The following TMEM163 variants were observed in gnomAD, a reference collection of about 807,000 sequenced individuals.
TMEM163 encodes transmembrane protein 163.
A neutral mutation model predicts 29.3 loss-of-function variants in TMEM163; 17 were observed. The ratio of observed to expected loss-of-function variants is 0.58; its 90% CI spans 0.40 to 0.87. The LOEUF (loss-of-function observed/expected upper bound fraction) is 0.87. Among genes scored for constraint, TMEM163 ranks in the 40% least tolerant of loss-of-function variants. TMEM163 has a pLI of 0.00. For synonymous variants in TMEM163, 157 were observed against 160.6 expected, an observed-to-expected ratio of 0.98 and a Z score of 0.17; for missense variants, 303 against 381.5, an observed-to-expected ratio of 0.79 and a Z score of 1.71.
chr2:134,490,046 T>C (rs991334819), intron 5 of TMEM163, among the ~76,000 whole-genome samples: 1 of 152,218 alleles, frequency 6.6e-6, no homozygotes, highest in African/African-American at 2.4e-5. Flanking sequence ...CCAGGTCCTA[T>C]ATTAGGTGCT....
chr2:134,639,509 C>T (rs1324542778), intron 2 of TMEM163, among the ~76,000 whole-genome samples: 1 of 152,200 alleles, frequency 6.6e-6, no homozygotes, highest in Non-Finnish European at 1.5e-5. Flanking sequence ...GATGCTGAGA[C>T]CCACCAATCC....
chr2:134,477,600 A>T (rs1311440611), intron 5 of TMEM163, among the ~76,000 whole-genome samples: 1 of 152,260 alleles, frequency 6.6e-6, no homozygotes, highest in African/African-American at 2.4e-5. Context: ...GTGTTTTACA[A>T]GAAGCAAAGA....
At chr2:134,571,907 G>T (rs1283293969) in intron 2 of TMEM163, among the ~76,000 whole-genome samples, 3 of 152,158 alleles carry the variant, frequency 2.0e-5, no homozygotes, top group Non-Finnish European at 4.4e-5. Context: ...AGGAAAGCAG[G>T]TATTCAGCAT....
intron 4 of TMEM163, among the ~76,000 whole-genome samples, chr2:134,510,714 C>T (rs1279572904): frequency 1.3e-5 from 2 of 152,028 alleles, no homozygotes; most frequent in African/African-American, 2.4e-5. Flanking sequence ...AGTGAGGAGC[C>T]GGTAGTGAGT....
intron 4 of TMEM163, among the ~76,000 whole-genome samples, chr2:134,508,675 C>CT (rs2106489760): frequency 6.6e-6 from 1 of 152,216 alleles, no homozygotes; most frequent in South Asian, 2.1e-4. Context: ...ATCAATGCCT[C>CT]TCTCCTCTCC....
intron 2 of TMEM163, among the ~76,000 whole-genome samples, chr2:134,701,340 A>C (rs1345965589): frequency 6.6e-6 from 1 of 152,204 alleles, no homozygotes; most frequent in Non-Finnish European, 1.5e-5. Flanking sequence ...GAAAGCAAAA[A>C]GGCAACCCAA....
At chr2:134,536,494 C>T (rs1680542971) in intron 4 of TMEM163, among the ~76,000 whole-genome samples, 1 of 152,150 alleles carries the variant, frequency 6.6e-6, no homozygotes, top group Non-Finnish European at 1.5e-5. Context: ...GTGAAGGCAG[C>T]CCCGGGCTCT....
chr2:134,506,439 G>C (rs1213374758), intron 4 of TMEM163, among the ~76,000 whole-genome samples: 1 of 152,154 alleles, frequency 6.6e-6, no homozygotes, highest in African/African-American at 2.4e-5. Context: ...CAGTCCCCTG[G>C]AGGCCACTCA....
chr2:134,500,761 G>A (rs533467641), intron 5 of TMEM163, among the ~76,000 whole-genome samples: 4 of 152,166 alleles, frequency 2.6e-5, no homozygotes, highest in South Asian at 2.1e-4. Flanking sequence ...ACTCATGTGC[G>A]AATTAGAAAG....
At chr2:134,651,586 T>G (rs1683480366) in intron 2 of TMEM163, among the ~76,000 whole-genome samples, 1 of 126,114 alleles carries the variant, frequency 7.9e-6, no homozygotes, top group Non-Finnish European at 1.6e-5. Flanking sequence ...TTGTTGCCAT[T>G]GCTTTTGGTG....
chr2:134,663,584 G>A (rs1304506503), intron 2 of TMEM163, among the ~76,000 whole-genome samples: 1 of 152,194 alleles, frequency 6.6e-6, no homozygotes, highest in East Asian at 1.9e-4. Flanking sequence ...TCCTGCTCCA[G>A]CCACATGTGG....
intron 2 of TMEM163, among the ~76,000 whole-genome samples, chr2:134,609,832 G>A (rs111713600): frequency 1.4e-5 from 2 of 142,810 alleles, no homozygotes; most frequent in African/African-American, 2.7e-5. Context: ...GACAGATCCC[G>A]AGAACTGTAC....
chr2:134,716,028 T>A (rs1288773900), intron 1 of TMEM163, among the ~76,000 whole-genome samples: 1 of 152,160 alleles, frequency 6.6e-6, no homozygotes, highest in Admixed American at 6.5e-5. Flanking sequence ...TACACTAGTA[T>A]GCATTAGTTC....
rs561840038 is a variant in TMEM163 at position 134,618,911 on chromosome 2, G to C, written c.323-66820C>G. On this transcript the variant is annotated intron_variant, in intron 2 of 7. Transcript: ENST00000281924. ...ACATTAGAAAAGAAAAAAAGACAAA[G>C]CTTCTATCACTAAAGGAAAGCACAT... Among the ~76,000 whole-genome samples, 3 of 152,146 alleles carry C rather than the reference G, an allele frequency of 2.0e-5. No homozygotes were observed. In the South Asian group the frequency reaches 6.2e-4, roughly 32 times the overall value.
At chr2:134,604,754 G>A (rs1574274123) in intron 2 of TMEM163, among the ~76,000 whole-genome samples, 1 of 152,170 alleles carries the variant, frequency 6.6e-6, no homozygotes, top group East Asian at 1.9e-4. Context: ...CAAATGAGAT[G>A]CAAGACACTT....
At position 134,455,923 on chromosome 2, in the gene TMEM163, A is replaced by ATC. The variant is rs1686373960; in HGVS notation, c.*791_*792dup. 2 of 147,440 alleles carry ATC rather than the reference A, an allele frequency of 1.4e-5. No homozygotes were observed. The highest frequency in any genetic ancestry group is 3.0e-5 in the Non-Finnish European group (2 of 66,968). 9.1% of individuals were successfully genotyped at this position (147,440 alleles called of 1,614,324 possible). A position where few individuals can be genotyped will look rare whatever the true frequency, so the allele number is the denominator to read the frequency against. On this transcript the variant is annotated 3_prime_UTR_variant, in exon 8 of 8. Coordinates refer to ENST00000281924, the MANE Select transcript of TMEM163 (RefSeq NM_030923.5). The stretch of plus-strand genomic sequence containing the variant: ...TTGTTCCTTACAGAGGGAGCGATCC[A>ATC]TCTCTCACAGACTGTAATGTACCCA...
intron 2 of TMEM163, among the ~76,000 whole-genome samples, chr2:134,571,442 CCTG>C (rs1681425064): frequency 6.6e-6 from 1 of 151,988 alleles, no homozygotes; most frequent in Non-Finnish European, 1.5e-5. Context: ...GGAACAAACA[CCTG>C]AAATACAGAA....
intron 4 of TMEM163, among the ~76,000 whole-genome samples, chr2:134,509,293 G>A (rs1679896632): frequency 6.6e-6 from 1 of 152,190 alleles, no homozygotes; most frequent in Admixed American, 6.5e-5. Context: ...TACCATACTG[G>A]ACAGTACAGT....
At chr2:134,514,159 A>C (rs2106492093) in intron 4 of TMEM163, among the ~76,000 whole-genome samples, 1 of 152,282 alleles carries the variant, frequency 6.6e-6, no homozygotes, top group Middle Eastern at 3.4e-3. Flanking sequence ...GTAGAACAAC[A>C]TGTGGAGGGG....
Sources: gnomAD v4.1 joint callset for allele counts (sites outside exome capture counted in the v4.1 genomes callset) on GRCh38, gnomAD v4.1.1 for gene constraint, MANE v1.5 for transcripts, NCBI Gene and HGNC (gene_info 2026-07-23, HGNC 2026-07-21) for gene names.